The following NRG3 variants were observed in gnomAD, a reference collection of about 807,000 sequenced individuals.
The protein encoded by NRG3 is neuregulin 3.
NRG3 carries 31 observed loss-of-function variants against 66.9 expected under a neutral mutation model. The observed-to-expected ratio is 0.46, with a 90% CI of 0.35 to 0.63. The LOEUF is 0.63. Among genes scored for constraint, NRG3 ranks in the 20% least tolerant of loss-of-function variants. The pLI is 0.00. For missense variants in NRG3, 910 were observed against 878.9 expected, an observed-to-expected ratio of 1.04 and a Z score of -0.45; for synonymous variants, 393 against 359.4, an observed-to-expected ratio of 1.09 and a Z score of -1.06.
chr10:82,127,834 C>A (rs990356734), intron 1 of NRG3, among the ~76,000 whole-genome samples: 1 of 151,932 alleles, frequency 6.6e-6, no homozygotes, highest in Non-Finnish European at 1.5e-5. Flanking sequence ...CCTGCTAGGA[C>A]CTTCCTCTCT....
intron 3 of NRG3, among the ~76,000 whole-genome samples, chr10:82,740,014 T>C (rs111333990): frequency 2.6e-5 from 4 of 151,896 alleles, no homozygotes; most frequent in African/African-American, 9.6e-5. Flanking sequence ...CTCTCTTTTT[T>C]CCTCACTTTT....
rs528295634 is a variant in NRG3 at position 82,097,575 on chromosome 10, A to G, written c.823+221412A>G. ...CCATATATATAAAGCTCTTATGCAC[A>G]TTAGCATATGGCTTTTGGGTGAACA... On this transcript the variant is annotated intron_variant, in intron 1 of 8. Transcript: ENST00000372141. Among the ~76,000 whole-genome samples the G allele has an allele frequency of 9.9e-5, 15 of 151,752 alleles. No individual in the cohort carries two copies. The East Asian group carries it at 2.7e-3, about 28-fold the overall frequency.
chr10:82,430,245 G>A (rs1160007051), intron 2 of NRG3, among the ~76,000 whole-genome samples: 1 of 151,702 alleles, frequency 6.6e-6, no homozygotes, highest in African/African-American at 2.4e-5. Context: ...GTCTCATTGA[G>A]TACCAGTTTT....
intron 3 of NRG3, among the ~76,000 whole-genome samples, chr10:82,785,945 G>A (rs2060342837): frequency 6.6e-6 from 1 of 152,144 alleles, no homozygotes; most frequent in Non-Finnish European, 1.5e-5. Context: ...CATTTCAGGT[G>A]TGCAGAATGC....
At chr10:82,046,910 G>A (rs1196004600) in intron 1 of NRG3, among the ~76,000 whole-genome samples, 5 of 139,870 alleles carry the variant, frequency 3.6e-5, no homozygotes, top group African/African-American at 1.3e-4. Flanking sequence ...TGCATCCCAG[G>A]GATGAAGCCC....
chr10:82,522,314 G>C (rs2132553537), intron 2 of NRG3, among the ~76,000 whole-genome samples: 1 of 152,160 alleles, frequency 6.6e-6, no homozygotes, highest in African/African-American at 2.4e-5. Context: ...GAAAGTGCTG[G>C]GATTACAGGC....
intron 1 of NRG3, among the ~76,000 whole-genome samples, chr10:82,064,650 A>T (rs1055563829): frequency 2.0e-5 from 3 of 152,156 alleles, no homozygotes; most frequent in African/African-American, 4.8e-5. Context: ...ATGCACACTT[A>T]TGAGCATTTA....
intron 1 of NRG3, among the ~76,000 whole-genome samples, chr10:81,957,993 G>A (rs1429761980): frequency 6.6e-6 from 1 of 152,152 alleles, no homozygotes; most frequent in East Asian, 1.9e-4. Flanking sequence ...GTCTCATAGG[G>A]TGGCCTTTCC....
At chr10:81,929,042 G>T (rs978221791) in intron 1 of NRG3, among the ~76,000 whole-genome samples, 1 of 152,060 alleles carries the variant, frequency 6.6e-6, no homozygotes, top group Non-Finnish European at 1.5e-5. Flanking sequence ...TGCCCAGTCT[G>T]TCTTGAACTT....
At chr10:81,963,895 A>C (rs2059624879) in intron 1 of NRG3, among the ~76,000 whole-genome samples, 1 of 152,006 alleles carries the variant, frequency 6.6e-6, no homozygotes, top group African/African-American at 2.4e-5. Flanking sequence ...GTCCTCCTCC[A>C]CCTCCAACCA....
chr10:82,655,812 A>G (rs377169991), intron 2 of NRG3, among the ~76,000 whole-genome samples: 4 of 152,200 alleles, frequency 2.6e-5, no homozygotes, highest in Admixed American at 1.3e-4. Flanking sequence ...ATATAAATCT[A>G]TATATACTGC....
chr10:81,993,738 C>G (rs1238693357), intron 1 of NRG3, among the ~76,000 whole-genome samples: 3 of 152,134 alleles, frequency 2.0e-5, no homozygotes, highest in Non-Finnish European at 2.9e-5. Context: ...ACCATAGTTA[C>G]AATAATCTTG....
At chr10:82,846,185 T>A (rs925261504) in intron 3 of NRG3, among the ~76,000 whole-genome samples, 8 of 152,090 alleles carry the variant, frequency 5.3e-5, no homozygotes, top group Non-Finnish European at 8.8e-5. Context: ...ATACTCTGAA[T>A]GAATACTCTG....
chr10:82,688,964 A>G (rs1270711316), intron 2 of NRG3, among the ~76,000 whole-genome samples: 1 of 152,158 alleles, frequency 6.6e-6, no homozygotes, highest in East Asian at 1.9e-4. Flanking sequence ...GCAACTCTAT[A>G]ATTTGTATAT....
chr10:82,334,014 A>G (rs1317222762), intron 1 of NRG3, among the ~76,000 whole-genome samples: 1 of 152,002 alleles, frequency 6.6e-6, no homozygotes, highest in Non-Finnish European at 1.5e-5. Flanking sequence ...CGTCTCTACT[A>G]AAATAATTAG....
In NRG3 at chr10:82,629,197, A is replaced by C. The variant is rs1296581580; in HGVS notation, c.954-109380A>C. 3.9e-5 allele frequency among the ~76,000 whole-genome samples: 6 copies of C among 152,156 alleles called. No individual in the cohort carries two copies. In the East Asian group the frequency reaches 9.7e-4, roughly 24 times the overall value. On this transcript the variant is annotated intron_variant, in intron 2 of 8. Transcript: ENST00000372141. The stretch of plus-strand genomic sequence containing the variant: ...TTGTCAAATGGGAATTCAAAAATCC[A>C]ATAAACCTGTAAAATTGCTTCCAAA...
At chr10:82,503,379 A>T (rs923071316) in intron 2 of NRG3, among the ~76,000 whole-genome samples, 6 of 152,160 alleles carry the variant, frequency 3.9e-5, no homozygotes, top group African/African-American at 1.2e-4. Flanking sequence ...GAGAGAAGGA[A>T]CTTTGGTAGT....
intron 2 of NRG3, among the ~76,000 whole-genome samples, chr10:82,539,618 C>A (rs2043389773): frequency 6.6e-6 from 1 of 151,626 alleles, no homozygotes; most frequent in African/African-American, 2.4e-5. Flanking sequence ...ATCTTGACTG[C>A]CGTTTTTTTT....
intron 2 of NRG3, among the ~76,000 whole-genome samples, chr10:82,596,043 A>G (rs1383965539): frequency 6.6e-6 from 1 of 152,222 alleles, no homozygotes; most frequent in Non-Finnish European, 1.5e-5. Context: ...GAATTGATGA[A>G]TTAATGAGTG....
Sources: allele counts gnomAD v4.1 joint callset (sites outside exome capture counted in the v4.1 genomes callset), GRCh38; gene constraint gnomAD v4.1.1; transcripts MANE v1.5; gene names NCBI Gene and HGNC (gene_info 2026-07-23, HGNC 2026-07-21).